Variants in ARPC2 observed in about 807,000 individuals in gnomAD.
ARPC2 encodes the protein actin related protein 2/3 complex subunit 2, also known as actin-related protein 2/3 complex subunit 2.
Under a neutral mutation model 38.6 loss-of-function variants are expected in ARPC2, and 4 were observed. The ratio of observed to expected loss-of-function variants is 0.10; its 90% CI spans 0.05 to 0.24. ARPC2 has a LOEUF of 0.24. ARPC2 is among the 10% of genes least tolerant of loss of function. ARPC2 has a pLI of 1.00. For synonymous variants in ARPC2, 125 were observed against 140.8 expected (o/e 0.89, Z 0.79); for missense variants, 229 against 387.3 (o/e 0.59, Z 3.43).
chr2:218,229,430 T>A (rs1689580686), intron 4 of ARPC2: 1 of 152,264 alleles, frequency 6.6e-6, no homozygotes, highest in African/African-American at 2.4e-5. Context: ...GTATTTGCTC[T>A]GAGGAGAGCC....
At chr2:218,251,914 C>T (rs931063102) in intron 10 of ARPC2, among the ~76,000 whole-genome samples, 2 of 152,150 alleles carry the variant, frequency 1.3e-5, no homozygotes, top group African/African-American at 4.8e-5. Context: ...TGAGGGTTTT[C>T]AGACATTGTC....
chr2:218,253,585 AG>A (rs1372216810), intron 10 of ARPC2, among the ~76,000 whole-genome samples: 1 of 152,236 alleles, frequency 6.6e-6, no homozygotes, highest in Non-Finnish European at 1.5e-5. Context: ...AGGTACGTCT[AG>A]GCCATCCAGA....
In ARPC2 at chr2:218,227,162, T is replaced by C. The variant is rs116184676; in HGVS notation, c.109+1208T>C. On this transcript the variant is annotated intron_variant, in intron 3 of 10. Transcript: ENST00000315717. ...GCCAGATATCCCTTCGTGATTCCCA[T>C]GACAGCTCCATAAAGTGATGGCACT... The C allele has an allele frequency of 2.2e-3, 818 of 376,244 alleles. 9 individuals are homozygous for C. Among genetic ancestry groups the C allele is most frequent in the African/African-American group, 0.015 (736 of 47,908 alleles). The allele number at this position is 376,244 out of a possible 1,614,324, so 23.3% of individuals were successfully genotyped here. A position where few individuals can be genotyped will look rare whatever the true frequency, so the allele number is the denominator to read the frequency against.
chr2:218,248,200 T>G (rs538933405), intron 8 of ARPC2, among the ~76,000 whole-genome samples: 1 of 152,362 alleles, frequency 6.6e-6, no homozygotes, highest in African/African-American at 2.4e-5. Context: ...ATGGCAGACT[T>G]ACAGTCATAA....
At chr2:218,231,921 T>C (rs1355448957) in intron 4 of ARPC2, among the ~76,000 whole-genome samples, 2 of 142,736 alleles carry the variant, frequency 1.4e-5, no homozygotes, top group Non-Finnish European at 3.1e-5. Flanking sequence ...CTGGGCAACG[T>C]AGTGAGACCC....
Position 218,254,099 on chromosome 2 carries a change from C to T in ARPC2, c.*184C>T. The T allele has an allele frequency of 3.8e-6, 2 of 529,066 alleles. No individual in the cohort carries two copies. The highest frequency in any genetic ancestry group is 6.3e-6 in the Non-Finnish European group (2 of 319,874). 32.8% of individuals were successfully genotyped at this position (529,066 alleles called of 1,614,324 possible). ...CTGTGCTTGCAAAGACTTCATAGTT[C>T]CCAAGAATTAAAAAAAAAAAAAAAA... On this transcript the variant is annotated 3_prime_UTR_variant, in exon 11 of 11. Transcript: ENST00000315717.
At position 218,249,880 on chromosome 2, in the gene ARPC2, C is replaced by T. The variant is rs373610971; in HGVS notation, c.837C>T (p.Arg279=). ...KTSDFLKVLN[R]ARPDAEKKEM... is the part of the protein sequence containing the mutation. ...CTGACTTCCTCAAGGTGCTGAACCG[C>T]GCACGCCCAGATGCCGAGAAAAAAG... The change falls in exon 10 of 11, where the codon CGC becomes CGT. Residue 279 remains arginine, a synonymous_variant. Transcript: ENST00000315717. 452 of 1,613,674 alleles carry T rather than the reference C, an allele frequency of 2.8e-4. No homozygotes were observed. The highest frequency in any genetic ancestry group is 3.6e-4 in the Non-Finnish European group (421 of 1,179,902).
intron 3 of ARPC2, among the ~76,000 whole-genome samples, chr2:218,227,362 A>T (rs1689524899): frequency 6.6e-6 from 1 of 152,254 alleles, no homozygotes; most frequent in African/African-American, 2.4e-5. Context: ...TCTTAATTCA[A>T]ATAAGACAAC....
intron 7 of ARPC2, among the ~76,000 whole-genome samples, chr2:218,245,146 T>G (rs1010441305): frequency 2.0e-5 from 3 of 152,240 alleles, no homozygotes; most frequent in African/African-American, 7.2e-5. Context: ...GTTTATCACC[T>G]ATGTTAGTGC....
At chr2:218,247,080 G>A (rs1336541951) in intron 8 of ARPC2, among the ~76,000 whole-genome samples, 6 of 151,990 alleles carry the variant, frequency 3.9e-5, no homozygotes, top group African/African-American at 1.5e-4. Context: ...AGCTGTGATG[G>A]CACCACTACA....
intron 2 of ARPC2, among the ~76,000 whole-genome samples, chr2:218,222,726 A>G (rs1689412111): frequency 6.6e-6 from 1 of 152,214 alleles, no homozygotes; most frequent in Non-Finnish European, 1.5e-5. Flanking sequence ...ATTACCTTCT[A>G]TGAGCTAGGC....
chr2:218,247,713 G>GC (rs1690079822), intron 8 of ARPC2, among the ~76,000 whole-genome samples: 1 of 152,076 alleles, frequency 6.6e-6, no homozygotes, highest in African/African-American at 2.4e-5. Context: ...GGAGGCCGAG[G>GC]CAAGTGGATC....
At chr2:218,239,370 C>T in intron 6 of ARPC2, 21 bp from the exon 7 acceptor site, 1 of 1,556,918 alleles carries the variant, frequency 6.4e-7, no homozygotes. Flanking sequence ...TACTTATCCT[C>T]ATGGATTTTG....
chr2:218,225,975 C>T (rs750163803), intron 3 of ARPC2, 21 bp downstream of exon 3: 3 of 1,612,408 alleles, frequency 1.9e-6, no homozygotes, highest in South Asian at 1.1e-5. Context: ...TTATCTCAGC[C>T]CTCTGAAGAG....
At chr2:218,238,460 A>G (rs545812109) in intron 5 of ARPC2, among the ~76,000 whole-genome samples, 2 of 152,294 alleles carry the variant, frequency 1.3e-5, no homozygotes, top group South Asian at 2.1e-4. Context: ...GCCCTGTGAG[A>G]TAGATGGAAA....
Position 218,249,734 on chromosome 2 carries a change from G to A in ARPC2, c.778-87G>A, listed in dbSNP as rs1023934501. On this transcript the variant is annotated intron_variant, in intron 9 of 10. Coordinates refer to ENST00000315717, the MANE Select transcript of ARPC2 (RefSeq NM_152862.3). ...AATCCCAGGGTGTATGTTCCCAACC[G>A]CCCTTGATGACCTCTCTGATGAAAG... 63 of 1,305,514 alleles carry A rather than the reference G, an allele frequency of 4.8e-5. No homozygotes were observed. In the East Asian group the frequency reaches 1.5e-3, roughly 31 times the overall value. The allele number at this position is 1,305,514 out of a possible 1,614,324, so 80.9% of individuals were successfully genotyped here.
At chr2:218,236,414 C>T (rs1210300817) in intron 5 of ARPC2, 1 of 152,036 alleles carries the variant, frequency 6.6e-6, no homozygotes, top group Non-Finnish European at 1.5e-5. Context: ...ACTGGAGTGC[C>T]TCTCCAGTAT....
intron 2 of ARPC2, among the ~76,000 whole-genome samples, chr2:218,219,000 T>C (rs756501177): frequency 2.0e-5 from 3 of 152,214 alleles, no homozygotes; most frequent in Non-Finnish European, 2.9e-5. Context: ...GATTGCTGTA[T>C]ACTTTTTTCT....
rs1690128055 is a variant in ARPC2 at position 218,249,460 on chromosome 2, C to T, written c.773C>T (p.Ser258Phe). Reference sequence around the variant, plus strand: ...TACCTGCACTACCACATCAAGTGCTCTAAGGTGAGGGGGGTGCCAGCATCT... The same window carrying T: ...TACCTGCACTACCACATCAAGTGCTTTAAGGTGAGGGGGGTGCCAGCATCT... ...RDYLHYHIKC[S>F]KAYIHTRMRA... The change falls in exon 9 of 11, where the codon TCT (serine) becomes TTT (phenylalanine). Residue 258 changes from serine (S) to phenylalanine (F), a missense_variant. Ser to Phe is a radical substitution (Grantham distance 155). Transcript: ENST00000315717. 6.2e-7 allele frequency: 1 copy of T among 1,601,902 alleles called. No individual in the cohort carries two copies. The highest frequency in any genetic ancestry group is 8.5e-7 in the Non-Finnish European group (1 of 1,171,852).
Sources: allele counts gnomAD v4.1 joint callset (sites outside exome capture counted in the v4.1 genomes callset), GRCh38; gene constraint gnomAD v4.1.1; transcripts MANE v1.5; gene names NCBI Gene and HGNC (gene_info 2026-07-23, HGNC 2026-07-21).